Variants in ANKH observed in about 807,000 individuals in gnomAD.
ANKH encodes mineralization regulator ANKH.
ANKH carries 15 observed loss-of-function variants against 49.0 expected under a neutral mutation model. That is an observed-to-expected ratio of 0.31 (90% CI 0.20 to 0.47). The LOEUF is 0.47. Ranked by LOEUF, ANKH falls within the 20% of genes least tolerant of loss-of-function variation. The pLI, the probability that ANKH is intolerant of heterozygous loss-of-function variation, is 1.00. For missense variants in ANKH, 429 were observed against 652.0 expected, an observed-to-expected ratio of 0.66 and a Z score of 3.72; for synonymous variants, 273 against 260.0, an observed-to-expected ratio of 1.05 and a Z score of -0.48.
rs956302043 is a variant in ANKH, at chr5:14,709,124, C to A, written c.*2073G>T. 2.0e-5 allele frequency: 3 copies of A among 152,204 alleles called. No individual in the cohort carries two copies. Among genetic ancestry groups the A allele is most frequent in the Non-Finnish European group, 2.9e-5 (2 of 68,068 alleles). The allele number at this position is 152,204 out of a possible 1,614,324, so 9.4% of individuals were successfully genotyped here. On this transcript the variant is annotated 3_prime_UTR_variant, in exon 12 of 12. Coordinates refer to ENST00000284268, the MANE Select transcript of ANKH (RefSeq NM_054027.6). ...GGCCAGGCTGGTCTCAAACTCCTGA[C>A]CTTAAGTGATCCACCCTCCTTGGCC...
In ANKH at chr5:14,838,111, C is replaced by T. The variant is rs557781318; in HGVS notation, c.96+33241G>A. Among the ~76,000 whole-genome samples, 139 of 150,710 alleles carry T rather than the reference C, an allele frequency of 9.2e-4. 1 individual carries two copies. Among genetic ancestry groups the T allele is most frequent in the African/African-American group, 3.1e-3 (127 of 41,054 alleles). ...GGAAACATCACGCACCAGGGCCTGA[C>T]GTGGGGTGGGGGAAGGGCGGAGGGA... is the stretch of plus-strand genomic sequence containing the variant. On this transcript the variant is annotated intron_variant, in intron 1 of 11. Transcript: ENST00000284268.
At position 14,812,838 on chromosome 5, in the gene ANKH, AACTG is replaced by A. The variant is rs558741852; in HGVS notation, c.97-43651_97-43648del. 1.1e-3 allele frequency among the ~76,000 whole-genome samples: 169 copies of A among 152,324 alleles called. 4 individuals are homozygous for A. In the East Asian group the frequency reaches 0.016, roughly 15 times the overall value. On this transcript the variant is annotated intron_variant, in intron 1 of 11. Coordinates refer to ENST00000284268, the MANE Select transcript of ANKH (RefSeq NM_054027.6). ...CGAAAGACAATCTTTGTACTCAAGT[AACTG>A]ACTGTCTATCTAGAAACAGACATTC...
chr5:14,818,144 C>T (rs556927889), intron 1 of ANKH, among the ~76,000 whole-genome samples: 2 of 151,716 alleles, frequency 1.3e-5, no homozygotes, highest in African/African-American at 4.8e-5. Flanking sequence ...CTACCCATAC[C>T]GGTTATAATT....
intron 8 of ANKH, chr5:14,724,457 A>G: frequency 1.4e-6 from 1 of 730,160 alleles, no homozygotes; most frequent in African/African-American, 1.9e-5. Context: ...AAGTCATGAA[A>G]AACTTTGACC....
At chr5:14,847,017 A>AAC (rs112595291) in intron 1 of ANKH, among the ~76,000 whole-genome samples, 1 of 151,764 alleles carries the variant, frequency 6.6e-6, no homozygotes, top group African/African-American at 2.4e-5. Flanking sequence ...AAAAAAAAAA[A>AAC]AAAAACAATG....
intron 2 of ANKH, among the ~76,000 whole-genome samples, chr5:14,762,653 TCCCAACAACTGTTTTCA>T (rs1316990909): frequency 6.9e-6 from 1 of 144,258 alleles, no homozygotes; most frequent in Admixed American, 7.1e-5. Flanking sequence ...GAGTATAAAA[TCCCAACAACTGTTTTCA>T]CCCACTCTGT....
chr5:14,751,310 C>A, intron 4 of ANKH, 71 bp from the exon 5 acceptor site: 1 of 1,496,400 alleles, frequency 6.7e-7, no homozygotes, highest in Admixed American at 1.7e-5. Context: ...CACAGGGGCA[C>A]GCTCTTGAAC....
At chr5:14,862,397 TG>T (rs1284031583) in intron 1 of ANKH, among the ~76,000 whole-genome samples, 1 of 152,214 alleles carries the variant, frequency 6.6e-6, no homozygotes, top group Non-Finnish European at 1.5e-5. Context: ...GACTGGTATT[TG>T]GTTGTTGGAA....
chr5:14,722,379 C>T (rs1737698859), intron 8 of ANKH, among the ~76,000 whole-genome samples: 2 of 152,148 alleles, frequency 1.3e-5, no homozygotes, highest in Non-Finnish European at 2.9e-5. Flanking sequence ...AATAGTCCAC[C>T]CAGTGCCCAG....
In ANKH at chr5:14,707,905, T is replaced by C. The variant is rs1161568412; in HGVS notation, c.*3292A>G. On this transcript the variant is annotated 3_prime_UTR_variant, in exon 12 of 12. Transcript: ENST00000284268. ...AAGACAAACCCGATGCAGGCAGTCA[T>C]GGGGGATGACTGTTTTTTACCCAGA... 1 of 152,134 alleles carries C rather than the reference T, an allele frequency of 6.6e-6. No homozygotes were observed. Among genetic ancestry groups the C allele is most frequent in the Non-Finnish European group, 1.5e-5 (1 of 68,032 alleles). 9.4% of individuals were successfully genotyped at this position (152,134 alleles called of 1,614,324 possible).
intron 1 of ANKH, among the ~76,000 whole-genome samples, chr5:14,848,582 G>A (rs940205840): frequency 2.0e-5 from 3 of 152,128 alleles, no homozygotes; most frequent in Admixed American, 6.5e-5. Flanking sequence ...CTCCAGATTC[G>A]GCAGGGTGTC....
intron 1 of ANKH, among the ~76,000 whole-genome samples, chr5:14,852,303 T>C (rs1742142057): frequency 6.6e-6 from 1 of 152,082 alleles, no homozygotes. Context: ...AGAAATGGAA[T>C]GCTCCTTAAG....
intron 1 of ANKH, among the ~76,000 whole-genome samples, chr5:14,846,650 T>C (rs763813310): frequency 6.6e-6 from 1 of 152,178 alleles, no homozygotes; most frequent in Non-Finnish European, 1.5e-5. Context: ...AAAATTAATT[T>C]AGTAGAGTGC....
chr5:14,749,268 C>T lies in ANKH; in HGVS notation c.726G>A (p.Trp242Ter). 1 of 1,614,178 alleles carries T rather than the reference C, an allele frequency of 6.2e-7. No individual in the cohort carries two copies. Among genetic ancestry groups the T allele is most frequent in the Non-Finnish European group, 8.5e-7 (1 of 1,180,020 alleles). Residue 242 changes from tryptophan (W) to a stop codon, truncating the protein, a stop_gained, in exon 6 of 12, where the codon TGG becomes TGA. Coordinates refer to ENST00000284268, the MANE Select transcript of ANKH (RefSeq NM_054027.6). LOFTEE classifies it high-confidence loss of function. ...ATIRKMLSFW[W>*]PLALILATQR... is the part of the protein sequence containing the mutation. ...GTGTGGCCAGAATTAGAGCCAAAGG[C>T]CACCAGAAGCTCAGCATCTTTCTTA...
Position 14,751,180 on chromosome 5 carries a change from G to T in ANKH, c.576C>A (p.Ile192=). The change falls in exon 5 of 12, where the codon ATC becomes ATA. Residue 192 remains isoleucine (I), a synonymous_variant. Coordinates refer to ENST00000284268, the MANE Select transcript of ANKH (RefSeq NM_054027.6). ...SHLECREPLL[I]PILSLYMGAL... ...CGCCCATGTACAAGGAGAGGATCGG[G>T]ATGAGCAGGGGCTCCCGGCATTCCA... The T allele has an allele frequency of 6.2e-7, 1 of 1,614,202 alleles. No individual in the cohort carries two copies. Among genetic ancestry groups the T allele is most frequent in the Non-Finnish European group, 8.5e-7 (1 of 1,180,036 alleles).
chr5:14,760,703 G>A (rs1183240935), intron 2 of ANKH, among the ~76,000 whole-genome samples: 1 of 152,182 alleles, frequency 6.6e-6, no homozygotes, highest in Non-Finnish European at 1.5e-5. Flanking sequence ...GTAGAGCAAC[G>A]AACACAATGC....
intron 9 of ANKH, 98 bp downstream of exon 9, chr5:14,716,608 C>T: frequency 6.5e-7 from 1 of 1,539,220 alleles, no homozygotes; most frequent in South Asian, 1.1e-5. Flanking sequence ...TGAAATTTTA[C>T]ATTTGTGTTG....
chr5:14,859,066 G>A lies in ANKH; in HGVS notation c.96+12286C>T, dbSNP rs536858632. On this transcript the variant is annotated intron_variant, in intron 1 of 11. Coordinates refer to ENST00000284268, the MANE Select transcript of ANKH (RefSeq NM_054027.6). ...TGTATCATTTTAATAATTTTTAAGTGTACAATTCAGTGGCATTAAGTATCT... is the reference window on the plus strand; with the variant it reads ...TGTATCATTTTAATAATTTTTAAGTATACAATTCAGTGGCATTAAGTATCT... Among the ~76,000 whole-genome samples, 3 of 151,990 alleles carry A rather than the reference G, an allele frequency of 2.0e-5. No homozygotes were observed. In the East Asian group the frequency reaches 5.8e-4, roughly 29 times the overall value.
intron 1 of ANKH, among the ~76,000 whole-genome samples, chr5:14,805,602 C>T (rs762400007): frequency 1.4e-4 from 21 of 151,350 alleles, no homozygotes; most frequent in Non-Finnish European, 2.7e-4. Context: ...GGTGTTTATT[C>T]TAAGGTATCT....
Sources: gnomAD v4.1 joint callset for allele counts (sites outside exome capture counted in the v4.1 genomes callset) on GRCh38, gnomAD v4.1.1 for gene constraint, MANE v1.5 for transcripts, NCBI Gene and HGNC (gene_info 2026-07-23, HGNC 2026-07-21) for gene names.